The following EYS variants were observed in gnomAD, a reference collection of about 807,000 sequenced individuals.
EYS encodes the protein protein eyes shut homolog.
A neutral mutation model predicts 282.1 loss-of-function variants in EYS; 250 were observed. The observed-to-expected ratio is 0.89, with a 90% CI of 0.80 to 0.98. The LOEUF (loss-of-function observed/expected upper bound fraction) is 0.98, where lower values mean the gene tolerates loss of function less well. Among genes scored for constraint, EYS ranks in the 50% least tolerant of loss-of-function variants. The probability of loss-of-function intolerance (pLI) is 0.00; values close to 1 mark genes in which losing one functional copy is unlikely to be tolerated. For synonymous variants in EYS, 1,355 were observed against 1,282.9 expected, an observed-to-expected ratio of 1.06 and a Z score of -1.20; for missense variants, 4,016 against 3,709.0, an observed-to-expected ratio of 1.08 and a Z score of -2.15.
At chr6:63,959,424 T>C (rs1232649392) in intron 35 of EYS, among the ~76,000 whole-genome samples, 1 of 152,146 alleles carries the variant, frequency 6.6e-6, no homozygotes, top group Non-Finnish European at 1.5e-5. Context: ...GGAATGTAAA[T>C]TAGTTCAACC....
chr6:64,423,703 G>A (rs1364495488), intron 28 of EYS, among the ~76,000 whole-genome samples: 2 of 152,104 alleles, frequency 1.3e-5, no homozygotes, highest in African/African-American at 4.8e-5. Context: ...AGCTACTCAG[G>A]AGGCAGAGGC....
At chr6:65,056,660 T>C (rs920878872) in intron 13 of EYS, among the ~76,000 whole-genome samples, 1 of 152,072 alleles carries the variant, frequency 6.6e-6, no homozygotes, top group Non-Finnish European at 1.5e-5. Context: ...TCTTTAAAGA[T>C]GTATGATTAA....
intron 33 of EYS, among the ~76,000 whole-genome samples, chr6:64,004,228 A>G (rs888733175): frequency 1.2e-4 from 18 of 152,048 alleles, no homozygotes; most frequent in African/African-American, 4.3e-4. Flanking sequence ...ACTAGAGTTT[A>G]TCCTATCTAC....
intron 15 of EYS, among the ~76,000 whole-genome samples, chr6:64,928,683 T>C (rs766201773): frequency 3.9e-5 from 6 of 152,142 alleles, no homozygotes; most frequent in Non-Finnish European, 5.9e-5. Flanking sequence ...GCAAAATCTA[T>C]TCTTAGATAT....
chr6:65,069,367 A>C (rs2150164700), intron 12 of EYS, among the ~76,000 whole-genome samples: 1 of 152,074 alleles, frequency 6.6e-6, no homozygotes, highest in Non-Finnish European at 1.5e-5. Flanking sequence ...CATTTCCTTA[A>C]GTCAACTCAA....
chr6:64,519,782 G>T (rs1371629304), intron 26 of EYS, among the ~76,000 whole-genome samples: 2 of 151,836 alleles, frequency 1.3e-5, no homozygotes, highest in Non-Finnish European at 2.9e-5. Context: ...ATGGAAGAGG[G>T]ATAGTGTTCC....
At chr6:64,259,321 A>G (rs753152704) in intron 30 of EYS, among the ~76,000 whole-genome samples, 26 of 152,066 alleles carry the variant, frequency 1.7e-4, no homozygotes, top group Non-Finnish European at 2.9e-4. Context: ...AAACATTTAG[A>G]TAGGCTTCTT....
intron 11 of EYS, among the ~76,000 whole-genome samples, chr6:65,333,807 ATCTT>A (rs1311938564): frequency 6.6e-6 from 1 of 151,606 alleles, no homozygotes; most frequent in Non-Finnish European, 1.5e-5. Flanking sequence ...ATTATAAAAT[ATCTT>A]TCTTTTTCTC....
chr6:64,862,603 A>C (rs756573816), intron 19 of EYS, among the ~76,000 whole-genome samples: 1 of 152,104 alleles, frequency 6.6e-6, no homozygotes, highest in Non-Finnish European at 1.5e-5. Flanking sequence ...AAATAGTTCC[A>C]ACATATGGAG....
At chr6:63,942,996 A>G (rs775164512) in intron 35 of EYS, among the ~76,000 whole-genome samples, 2 of 152,230 alleles carry the variant, frequency 1.3e-5, no homozygotes, top group Non-Finnish European at 2.9e-5. Context: ...TTGTAAGAAT[A>G]CAGTATATAA....
intron 18 of EYS, among the ~76,000 whole-genome samples, chr6:64,892,906 G>A (rs1257893008): frequency 6.6e-6 from 1 of 152,036 alleles, no homozygotes; most frequent in Non-Finnish European, 1.5e-5. Flanking sequence ...TAACAGTGAA[G>A]AATTGCTAAA....
At chr6:65,017,044 A>G (rs1772078606) in intron 13 of EYS, among the ~76,000 whole-genome samples, 1 of 152,152 alleles carries the variant, frequency 6.6e-6, no homozygotes. Context: ...TGAGTGATGA[A>G]TTTTATGGGG....
At chr6:64,794,744 T>C (rs1292434270) in intron 22 of EYS, among the ~76,000 whole-genome samples, 1 of 152,178 alleles carries the variant, frequency 6.6e-6, no homozygotes, top group Admixed American at 6.5e-5. Context: ...TATGTGGCCA[T>C]TGTTTTTATT....
chr6:64,989,598 T>C lies in EYS; in HGVS notation c.2259+7984A>G, dbSNP rs1025572802. ...TGTAATGTATAAAAATTATATTATT[T>C]AATTTAAATTAAATAAATATAAATT... is the stretch of plus-strand genomic sequence containing the variant. On this transcript the variant is annotated intron_variant, in intron 14 of 42. Coordinates refer to ENST00000503581, the MANE Select transcript of EYS (RefSeq NM_001142800.2). 9.8e-5 allele frequency among the ~76,000 whole-genome samples: 14 copies of C among 142,402 alleles called. No individual in the cohort carries two copies. The South Asian group carries it at 1.5e-3, about 15-fold the overall frequency. 93.4% of individuals were successfully genotyped at this position (142,402 alleles called of 152,430 possible).
chr6:63,956,927 A>T, intron 35 of EYS, among the ~76,000 whole-genome samples: 2 of 152,296 alleles, frequency 1.3e-5, no homozygotes, highest in East Asian at 3.9e-4. Flanking sequence ...ATCTCATGAA[A>T]CTACAAATTT....
intron 2 of EYS, among the ~76,000 whole-genome samples, chr6:65,616,506 G>A (rs1766202372): frequency 6.6e-6 from 1 of 152,066 alleles, no homozygotes; most frequent in African/African-American, 2.4e-5. Context: ...TAAATCTTTA[G>A]GCCGGGCGCA....
intron 35 of EYS, among the ~76,000 whole-genome samples, chr6:63,872,519 C>A (rs1453804995): frequency 1.6e-4 from 21 of 134,782 alleles, no homozygotes; most frequent in African/African-American, 6.0e-4. Context: ...GCTCTTGTCA[C>A]CCAGGCTGGA....
chr6:65,509,140 T>A (rs1049641350), intron 2 of EYS, among the ~76,000 whole-genome samples: 12 of 152,160 alleles, frequency 7.9e-5, no homozygotes, highest in African/African-American at 2.9e-4. Flanking sequence ...AGAACATACA[T>A]CTTCCTTTCG....
At chr6:65,699,160 C>G (rs1434681444) in intron 1 of EYS, among the ~76,000 whole-genome samples, 2 of 152,102 alleles carry the variant, frequency 1.3e-5, no homozygotes, top group African/African-American at 2.4e-5. Context: ...CTTCTACTTG[C>G]ATACGTATTC....
Sources: allele counts gnomAD v4.1 joint callset (sites outside exome capture counted in the v4.1 genomes callset), GRCh38; gene constraint gnomAD v4.1.1; transcripts MANE v1.5; gene names NCBI Gene and HGNC (gene_info 2026-07-23, HGNC 2026-07-21).